Variants in RIMS1 observed in about 807,000 individuals in gnomAD.
The protein encoded by RIMS1 is regulating synaptic membrane exocytosis protein 1.
A neutral mutation model predicts 214.1 loss-of-function variants in RIMS1; 83 were observed. The ratio of observed to expected loss-of-function variants is 0.39; its 90% CI spans 0.32 to 0.47. The LOEUF is 0.47. Ranked by LOEUF, RIMS1 falls within the 20% of genes least tolerant of loss-of-function variation. RIMS1 has a pLI of 0.99. For synonymous variants in RIMS1, 793 were observed against 786.8 expected, an observed-to-expected ratio of 1.01 and a Z score of -0.13; for missense variants, 2,050 against 2,161.8, an observed-to-expected ratio of 0.95 and a Z score of 1.03.
intron 2 of RIMS1, among the ~76,000 whole-genome samples, chr6:72,049,546 C>G (rs1246980666): frequency 6.6e-6 from 1 of 152,152 alleles, no homozygotes; most frequent in African/African-American, 2.4e-5. Context: ...ACTTAAGCAA[C>G]AGAGAAAGAA....
At chr6:72,041,408 A>G (rs765415846) in intron 2 of RIMS1, among the ~76,000 whole-genome samples, 1 of 151,938 alleles carries the variant, frequency 6.6e-6, no homozygotes, top group Non-Finnish European at 1.5e-5. Flanking sequence ...TGGATATGGT[A>G]TCAAAAGTTA....
intron 26 of RIMS1, among the ~76,000 whole-genome samples, chr6:72,293,650 A>T (rs1022507938): frequency 6.6e-6 from 1 of 151,906 alleles, no homozygotes; most frequent in African/African-American, 2.4e-5. Context: ...TCAAAAGCAT[A>T]TAAGGGTACT....
At chr6:72,251,462 A>G in intron 15 of RIMS1, 94 bp downstream of exon 15, 2 of 1,041,350 alleles carry the variant, frequency 1.9e-6, no homozygotes, top group South Asian at 4.2e-5. Context: ...TAAATGTTTT[A>G]TTAGAGATCA....
Position 72,074,519 on chromosome 6 carries a change from G to T in RIMS1, c.246-22430G>T, listed in dbSNP as rs115746997. 3.6e-3 allele frequency among the ~76,000 whole-genome samples: 546 copies of T among 152,126 alleles called. 3 individuals are homozygous for T. Among genetic ancestry groups the T allele is most frequent in the African/African-American group, 0.013 (525 of 41,504 alleles). On this transcript the variant is annotated intron_variant, in intron 2 of 33. Transcript: ENST00000521978. ...TCTCTACAAAATATACAAAAAATTA[G>T]CCGGACGTGGTGGCCCACACCTGTA...
intron 6 of RIMS1, among the ~76,000 whole-genome samples, chr6:72,205,383 C>G (rs1057213495): frequency 1.3e-5 from 2 of 151,946 alleles, no homozygotes; most frequent in African/African-American, 4.8e-5. Context: ...TGGCATAATC[C>G]CCAGAAAGAA....
chr6:72,086,560 A>G (rs1267077087), intron 2 of RIMS1, among the ~76,000 whole-genome samples: 1 of 152,066 alleles, frequency 6.6e-6, no homozygotes, highest in East Asian at 1.9e-4. Flanking sequence ...AATAATAGAA[A>G]CTCAAGACCT....
intron 1 of RIMS1, among the ~76,000 whole-genome samples, chr6:71,924,790 G>A (rs1302613171): frequency 2.6e-5 from 3 of 115,430 alleles, no homozygotes; most frequent in Non-Finnish European, 5.0e-5. Context: ...CTGAGCAACA[G>A]AGCAAGACCC....
intron 2 of RIMS1, among the ~76,000 whole-genome samples, chr6:72,065,515 CG>C (rs2152274029): frequency 6.6e-6 from 1 of 151,454 alleles, no homozygotes; most frequent in South Asian, 2.1e-4. Flanking sequence ...TGTTCCTCTC[CG>C]AGGAAAAAAG....
At chr6:72,113,066 G>T (rs1261687257) in intron 4 of RIMS1, among the ~76,000 whole-genome samples, 1 of 152,106 alleles carries the variant, frequency 6.6e-6, no homozygotes, top group African/African-American at 2.4e-5. Flanking sequence ...TGCTATATTT[G>T]CCATGGAAAG....
intron 4 of RIMS1, among the ~76,000 whole-genome samples, chr6:72,111,782 C>CA (rs897093891): frequency 1.3e-5 from 2 of 152,136 alleles, no homozygotes; most frequent in Non-Finnish European, 2.9e-5. Context: ...GGGCCACTCC[C>CA]ACTCTAGCAT....
chr6:72,382,248 A>G (rs913524697), intron 29 of RIMS1, among the ~76,000 whole-genome samples: 2 of 152,226 alleles, frequency 1.3e-5, no homozygotes, highest in African/African-American at 4.8e-5. Context: ...AAATTTTTAC[A>G]AGTTGTACTT....
chr6:71,934,171 G>A (rs1407032218), intron 1 of RIMS1, among the ~76,000 whole-genome samples: 2 of 152,158 alleles, frequency 1.3e-5, no homozygotes, highest in Non-Finnish European at 2.9e-5. Context: ...GTTCCCTAGA[G>A]CACTTTTATA....
chr6:72,313,150 T>G (rs1250333993), intron 27 of RIMS1, among the ~76,000 whole-genome samples: 1 of 151,782 alleles, frequency 6.6e-6, no homozygotes, highest in African/African-American at 2.4e-5. Flanking sequence ...GTGAATAAAA[T>G]GGACAAGAAT....
chr6:72,323,910 T>C (rs2096298302), intron 28 of RIMS1, among the ~76,000 whole-genome samples: 1 of 151,776 alleles, frequency 6.6e-6, no homozygotes, highest in Admixed American at 6.6e-5. Context: ...TTTGATGGAA[T>C]GGCCAAAAGA....
intron 29 of RIMS1, among the ~76,000 whole-genome samples, chr6:72,360,891 GAT>G (rs1171823925): frequency 1.6e-4 from 24 of 149,056 alleles, no homozygotes; most frequent in African/African-American, 5.6e-4. Flanking sequence ...GGGTATAGTG[GAT>G]ATGTTTCCTA....
At chr6:72,311,392 G>A (rs1418129193) in intron 27 of RIMS1, among the ~76,000 whole-genome samples, 5 of 152,162 alleles carry the variant, frequency 3.3e-5, no homozygotes, top group Admixed American at 3.3e-4. Flanking sequence ...AAAATGAATT[G>A]TGTTAGTCAG....
chr6:72,078,418 C>T (rs1333816152), intron 2 of RIMS1, among the ~76,000 whole-genome samples: 1 of 152,136 alleles, frequency 6.6e-6, no homozygotes, highest in African/African-American at 2.4e-5. Flanking sequence ...CAGTTCTATT[C>T]CCTAATACTT....
At chr6:72,350,681 C>G (rs1453906682) in intron 29 of RIMS1, among the ~76,000 whole-genome samples, 1 of 152,108 alleles carries the variant, frequency 6.6e-6, no homozygotes, top group Non-Finnish European at 1.5e-5. Context: ...GAATTTGGCA[C>G]TGAGCACTCT....
intron 24 of RIMS1, among the ~76,000 whole-genome samples, chr6:72,287,142 A>T (rs757488541): frequency 3.3e-5 from 5 of 152,154 alleles, no homozygotes; most frequent in Admixed American, 6.5e-5. Context: ...TACACTCTAC[A>T]TTCTAACTTG....
Sources: allele counts gnomAD v4.1 joint callset (sites outside exome capture counted in the v4.1 genomes callset), GRCh38; gene constraint gnomAD v4.1.1; transcripts MANE v1.5; gene names NCBI Gene and HGNC (gene_info 2026-07-23, HGNC 2026-07-21).